Variants in NOL6 observed in about 807,000 individuals in gnomAD.
NOL6 encodes the protein nucleolar RNA-associated protein.
A neutral mutation model predicts 131.7 loss-of-function variants in NOL6; 33 were observed. The observed-to-expected ratio is 0.25, with a 90% confidence interval of 0.19 to 0.33. The LOEUF (loss-of-function observed/expected upper bound fraction) is 0.33. Ranked by LOEUF, NOL6 falls within the 10% of genes least tolerant of loss-of-function variation. The pLI is 1.00. For synonymous variants in NOL6, 580 were observed against 605.7 expected, an observed-to-expected ratio of 0.96 and a Z score of 0.62; for missense variants, 1,297 against 1,494.5, an observed-to-expected ratio of 0.87 and a Z score of 2.18.
At position 33,471,146 on chromosome 9, in the gene NOL6, C is replaced by T. The variant is rs542702394; in HGVS notation, c.378+858G>A. On this transcript the variant is annotated intron_variant, in intron 3 of 25. Transcript: ENST00000297990. ...AAAAAATTAGCCGGGTGTGATAATC[C>T]CAGCTACTCGGGAGGCTGAGGCAGG... 1.4e-4 allele frequency among the ~76,000 whole-genome samples: 22 copies of T among 152,264 alleles called. No individual in the cohort carries two copies. In the East Asian group the frequency reaches 3.9e-3, roughly 27 times the overall value.
At position 33,469,210 on chromosome 9, in the gene NOL6, C is replaced by T. The variant is rs192128071; in HGVS notation, c.859G>A (p.Asp287Asn). 1 of 1,614,234 alleles carries T rather than the reference C, an allele frequency of 6.2e-7. No homozygotes were observed. The highest frequency in any genetic ancestry group is 1.7e-5 in the Admixed American group (1 of 60,030). Residue 287 changes from aspartate to asparagine, a missense_variant, in exon 6 of 26, where the codon GAT (aspartate) becomes AAT (asparagine). By Grantham distance (23) the Asp-to-Asn change is conservative. Coordinates refer to ENST00000297990, the MANE Select transcript of NOL6 (RefSeq NM_022917.5). ...CTCAACACCAGGGCCTGCTCACCAT[C>T]CCCTGCAGGACTCTGCCCTCGGTAC... is the stretch of plus-strand genomic sequence containing the variant. ...AWYRGQSPAGDGSPEPPTPRY... is the reference protein window; with the variant it reads ...AWYRGQSPAGNGSPEPPTPRY...
chr9:33,466,436 A>G lies in NOL6; in HGVS notation c.2092-11T>C, dbSNP rs944394829. ...AGTTGGTGGGAACACCTGTGGAAGA[A>G]GAGGGGCTGAGGAATGGGCCTAGGA... On this transcript the variant is annotated splice_polypyrimidine_tract_variant and intron_variant, in intron 16 of 25. Coordinates refer to ENST00000297990, the MANE Select transcript of NOL6 (RefSeq NM_022917.5). 2 of 1,613,922 alleles carry G rather than the reference A, an allele frequency of 1.2e-6. No homozygotes were observed. The highest frequency in any genetic ancestry group is 1.7e-6 in the Non-Finnish European group (2 of 1,179,888).
intron 16 of NOL6, 51 bp downstream of exon 16, chr9:33,466,518 G>A: frequency 6.2e-7 from 1 of 1,612,560 alleles, no homozygotes; most frequent in Non-Finnish European, 8.5e-7. Context: ...GGTGACTGGA[G>A]CAGAGGTGGG....
rs774287997 is a variant in NOL6, at chr9:33,472,278, C to G, written c.189G>C (p.Glu63Asp). The part of the protein sequence containing the change: ...VKLSRAELYK[E>D]PTNEELNRLR... ...GGCGATTAAGCTCCTCATTGGTAGG[C>G]TCCTTGTACAGTTCTGCCCTGCTGA... Residue 63 changes from glutamate to aspartate, a missense_variant, in exon 2 of 26, where the codon GAG (glutamate) becomes GAC (aspartate). Glu to Asp is a conservative substitution (Grantham distance 45, BLOSUM62 2). Transcript: ENST00000297990. 6.2e-7 allele frequency: 1 copy of G among 1,614,130 alleles called. No individual in the cohort carries two copies. The highest frequency in any genetic ancestry group is 1.3e-5 in the African/African-American group (1 of 74,930).
rs147891900 is a variant in NOL6 at position 33,466,953 on chromosome 9, C to A, written c.1909G>T (p.Val637Leu). 1 of 1,614,202 alleles carries A rather than the reference C, an allele frequency of 6.2e-7. No individual in the cohort carries two copies. ...ATAAGTGCATCCAGGGGGCCCCCCACATAGTGGACACAGGTTTCTGGGATG... is the reference window on the plus strand; with the variant it reads ...ATAAGTGCATCCAGGGGGCCCCCCAAATAGTGGACACAGGTTTCTGGGATG... Reference protein sequence around the residue: ...ADIPETCVHYVGGPLDALIQG... With the variant: ...ADIPETCVHYLGGPLDALIQG... Residue 637 changes from valine (V) to leucine (L), a missense_variant, in exon 15 of 26, where the codon GTG becomes TTG. Transcript: ENST00000297990.
chr9:33,470,239 A>C, intron 3 of NOL6, 48 bp from the exon 4 acceptor site: 2 of 1,429,734 alleles, frequency 1.4e-6, no homozygotes, highest in Non-Finnish European at 1.9e-6. Flanking sequence ...TGCCTTCCTC[A>C]CATGTACCCT....
chr9:33,472,919 G>C (rs1003601636), intron 1 of NOL6, among the ~76,000 whole-genome samples: 2 of 148,880 alleles, frequency 1.3e-5, no homozygotes, highest in Non-Finnish European at 3.0e-5. Flanking sequence ...GCTGAAGTGA[G>C]CCGAGATCGT....
Position 33,463,039 on chromosome 9 carries a change from G to A in NOL6, c.3285C>T (p.Pro1095=). Residue 1095 remains proline (P), a synonymous_variant, in exon 25 of 26, where the codon CCC becomes CCT. Transcript: ENST00000297990. ...CTGTCACCAGCCAGCACACCTTGAAGGGCTGCGGCTGGAAGCTGGTGGGCT... is the reference window on the plus strand; with the variant it reads ...CTGTCACCAGCCAGCACACCTTGAAAGGCTGCGGCTGGAAGCTGGTGGGCT... The part of the protein sequence containing the change: ...LWKPTSFQPQ[P]FKASSTKGRM... 1 of 1,613,242 alleles carries A rather than the reference G, an allele frequency of 6.2e-7. No individual in the cohort carries two copies. Among genetic ancestry groups the A allele is most frequent in the Non-Finnish European group, 8.5e-7 (1 of 1,179,548 alleles).
rs200049419 is a variant in NOL6 at position 33,466,228 on chromosome 9, G to A, written c.2210-3C>T. On this transcript the variant is annotated splice_polypyrimidine_tract_variant and splice_region_variant and intron_variant, in intron 17 of 25. Transcript: ENST00000297990. ...ACTGCCCTCCAGGTGACAAACCACT[G>A]AGGAAGAAGAGTCAGAGGTCTCATA... 1.9e-3 allele frequency: 3,035 copies of A among 1,610,134 alleles called. 5 individuals are homozygous for A. The highest frequency in any genetic ancestry group is 2.3e-3 in the Non-Finnish European group (2,680 of 1,177,520).
chr9:33,466,622 G>A lies in NOL6; in HGVS notation c.2038C>T (p.Pro680Ser), dbSNP rs1827251185. 1 of 1,613,990 alleles carries A rather than the reference G, an allele frequency of 6.2e-7. No homozygotes were observed. The highest frequency in any genetic ancestry group is 1.3e-5 in the African/African-American group (1 of 74,940). ...CCCTGAACAGCAGACACGGTCAGTGGGAGACCCTCTAGCCCCCACAGTAGG... is the reference window on the plus strand; with the variant it reads ...CCCTGAACAGCAGACACGGTCAGTGAGAGACCCTCTAGCCCCCACAGTAGG... Reference protein sequence around the residue: ...SRLLWGLEGLPLTVSAVQGAH... With the variant: ...SRLLWGLEGLSLTVSAVQGAH... Residue 680 changes from proline (P) to serine (S), a missense_variant, in exon 16 of 26, where the codon CCA becomes TCA. Physicochemically the swap from Pro to Ser is moderately conservative, Grantham distance 74. Coordinates refer to ENST00000297990, the MANE Select transcript of NOL6 (RefSeq NM_022917.5).
At chr9:33,464,286 A>G (rs911039359) in intron 21 of NOL6, 125 bp from the exon 22 acceptor site, 1 of 1,138,236 alleles carries the variant, frequency 8.8e-7, no homozygotes, top group African/African-American at 1.6e-5. Flanking sequence ...ACTCCCCCCC[A>G]CCAAGTGGCA....
In NOL6 at chr9:33,463,854, G is replaced by A. The variant is rs190107267; in HGVS notation, c.2971C>T (p.Pro991Ser). 54 of 1,614,072 alleles carry A rather than the reference G, an allele frequency of 3.3e-5. No homozygotes were observed. Among genetic ancestry groups the A allele is most frequent in the South Asian group, 1.4e-4 (13 of 91,082 alleles). The change falls in exon 23 of 26, where the codon CCC becomes TCC. Residue 991 changes from proline to serine, a missense_variant. Transcript: ENST00000297990. ...LPMLEKQLMD[P>S]RGPGDIRTVF... The stretch of plus-strand genomic sequence containing the variant: ...ACCCTGATGTCCCCAGGTCCCCGGG[G>A]ATCCATGAGCTGCTTCTCTAACATG...
At chr9:33,468,472 G>A (rs369857657) in intron 9 of NOL6, 36 bp downstream of exon 9, 7 of 1,613,578 alleles carry the variant, frequency 4.3e-6, no homozygotes, top group Non-Finnish European at 4.2e-6. Flanking sequence ...TTACTTGCAG[G>A]CCTCCTGGCA....
chr9:33,469,471 T>A (rs1327269454), intron 5 of NOL6, 28 bp downstream of exon 5: 1 of 1,593,894 alleles, frequency 6.3e-7, no homozygotes, highest in Non-Finnish European at 8.6e-7. Flanking sequence ...TCCCATGCTA[T>A]GCCCTCAGCC....
intron 4 of NOL6, 70 bp from the exon 5 acceptor site, chr9:33,469,737 C>CTTGG: frequency 6.4e-7 from 1 of 1,559,186 alleles, no homozygotes; most frequent in Non-Finnish European, 8.7e-7. Context: ...CAAGGTGAAA[C>CTTGG]CAAGGTGAGA....
chr9:33,465,786 G>A lies in NOL6; in HGVS notation c.2476C>T (p.Arg826Cys), dbSNP rs115142129. 2,781 of 1,613,754 alleles carry A rather than the reference G, an allele frequency of 1.7e-3. 3 individuals are homozygous for A. The highest frequency in any genetic ancestry group is 2.1e-3 in the Non-Finnish European group (2,499 of 1,179,834). The change falls in exon 19 of 26, where the codon CGC (arginine) becomes TGC (cysteine). Residue 826 changes from arginine (R) to cysteine (C), a missense_variant. Transcript: ENST00000297990. ...ISLRDTAASLRLERDTRQLPL... is the reference protein window; with the variant it reads ...ISLRDTAASLCLERDTRQLPL... ...AACTGCCTTGTGTCTCTCTCAAGGC[G>A]GAGGGAGGCAGCTGTGTCCCTCAGC...
intron 9 of NOL6, 40 bp downstream of exon 9, chr9:33,468,468 G>A: frequency 6.2e-7 from 1 of 1,613,452 alleles, no homozygotes; most frequent in Non-Finnish European, 8.5e-7. Flanking sequence ...CACCTTACTT[G>A]CAGGCCTCCT....
intron 1 of NOL6, 62 bp downstream of exon 1, chr9:33,473,727 C>T: frequency 1.3e-6 from 2 of 1,583,404 alleles, no homozygotes; most frequent in Non-Finnish European, 1.7e-6. Flanking sequence ...CACGCCATCT[C>T]GGGCCCTGCA....
chr9:33,462,519 T>G lies in NOL6; in HGVS notation c.*145A>C. 1 of 925,236 alleles carries G rather than the reference T, an allele frequency of 1.1e-6. No homozygotes were observed. Among genetic ancestry groups the G allele is most frequent in the Non-Finnish European group, 1.6e-6 (1 of 615,996 alleles). 57.3% of individuals were successfully genotyped at this position (925,236 alleles called of 1,614,324 possible). On this transcript the variant is annotated 3_prime_UTR_variant, in exon 26 of 26. Transcript: ENST00000297990. ...ATCAGAGAGAAAGTTGGGGCTGGGTTTTGTTGGAGATGATTCAGCATGTTC... is the reference window on the plus strand; with the variant it reads ...ATCAGAGAGAAAGTTGGGGCTGGGTGTTGTTGGAGATGATTCAGCATGTTC...
Sources: allele counts gnomAD v4.1 joint callset (sites outside exome capture counted in the v4.1 genomes callset), GRCh38; gene constraint gnomAD v4.1.1; transcripts MANE v1.5; gene names NCBI Gene and HGNC (gene_info 2026-07-23, HGNC 2026-07-21).